UNC5B: variants seen among roughly 807,000 people sequenced by gnomAD.
UNC5B encodes the protein unc-5 netrin receptor B.
In UNC5B, 56 loss-of-function variants were observed where a neutral mutation model predicts 103.7. The ratio of observed to expected loss-of-function variants is 0.54; its 90% confidence interval spans 0.44 to 0.67. The LOEUF (loss-of-function observed/expected upper bound fraction) is 0.67, where lower values mean the gene tolerates loss of function less well. UNC5B is among the 30% of genes least tolerant of loss of function. The probability of loss-of-function intolerance (pLI) is 0.00; values close to 1 mark genes in which losing one functional copy is unlikely to be tolerated. For missense variants in UNC5B, 1,194 were observed against 1,284.5 expected, an observed-to-expected ratio of 0.93 and a Z score of 1.08; for synonymous variants, 577 against 542.0, an observed-to-expected ratio of 1.06 and a Z score of -0.90.
At chr10:71,254,026 A>AG (rs1844235021) in intron 1 of UNC5B, among the ~76,000 whole-genome samples, 4 of 152,180 alleles carry the variant, frequency 2.6e-5, no homozygotes, top group Admixed American at 2.0e-4. Flanking sequence ...AACTCAGCAC[A>AG]GGGGGAAACG....
intron 1 of UNC5B, among the ~76,000 whole-genome samples, chr10:71,245,891 C>T (rs1256481776): frequency 6.6e-6 from 1 of 152,208 alleles, no homozygotes; most frequent in Admixed American, 6.5e-5. Context: ...CTGTTGGTCT[C>T]AGGGCAGTCC....
At chr10:71,245,947 C>T (rs1355237181) in intron 1 of UNC5B, among the ~76,000 whole-genome samples, 2 of 152,348 alleles carry the variant, frequency 1.3e-5, no homozygotes, top group East Asian at 3.9e-4. Context: ...CGCCAGCACC[C>T]TCCTCATTTC....
chr10:71,285,325 G>C lies in UNC5B; in HGVS notation c.449-1G>C. 1 of 1,608,634 alleles carries C rather than the reference G, an allele frequency of 6.2e-7. No individual in the cohort carries two copies. On this transcript the variant is annotated splice_acceptor_variant, in intron 3 of 16. Coordinates refer to ENST00000335350, the MANE Select transcript of UNC5B (RefSeq NM_170744.5). LOFTEE classifies it high-confidence loss of function. ...CCTTGGGACCCTCTCGCTTCTCCCAGACCTGCGCAAGAACTTCGATCAGGA... is the reference window on the plus strand; with the variant it reads ...CCTTGGGACCCTCTCGCTTCTCCCACACCTGCGCAAGAACTTCGATCAGGA...
intron 12 of UNC5B, 26 bp from the exon 13 acceptor site, chr10:71,293,674 T>C (rs1288819998): frequency 2.5e-6 from 4 of 1,598,726 alleles, no homozygotes; most frequent in Non-Finnish European, 3.4e-6. Flanking sequence ...CTGTGACCAC[T>C]ACCCCACCCT....
chr10:71,289,521 G>A (rs556617518), intron 8 of UNC5B, among the ~76,000 whole-genome samples: 9 of 152,298 alleles, frequency 5.9e-5, no homozygotes, highest in Admixed American at 2.0e-4. Context: ...CAGAGGCTGC[G>A]CCACCACTGC....
At chr10:71,289,707 A>G (rs10823719) in intron 8 of UNC5B, among the ~76,000 whole-genome samples, 117,781 of 152,152 alleles carry the variant, frequency 0.77, 46,648 homozygotes, top group Middle Eastern at 0.86. Flanking sequence ...GTGTCAGTGA[A>G]GGCATTAGGA....
intron 10 of UNC5B, among the ~76,000 whole-genome samples, chr10:71,292,058 C>T (rs1040104197): frequency 1.3e-5 from 2 of 152,238 alleles, no homozygotes; most frequent in African/African-American, 4.8e-5. Flanking sequence ...ATCTTCTAAG[C>T]TTCAGTGTCT....
At chr10:71,265,444 C>T (rs10999754) in intron 1 of UNC5B, among the ~76,000 whole-genome samples, 6,180 of 152,272 alleles carry the variant, frequency 0.041, 207 homozygotes, top group African/African-American at 0.088. Flanking sequence ...GGCTCCCTGT[C>T]TTCCCTGAGC....
intron 1 of UNC5B, among the ~76,000 whole-genome samples, chr10:71,223,509 A>G (rs12255490): frequency 0.035 from 5,305 of 152,132 alleles, 292 homozygotes; most frequent in African/African-American, 0.12. Flanking sequence ...CCAGAGCCAA[A>G]TCTTCAGTGA....
rs753131538 is a variant in UNC5B, at chr10:71,287,689, C to G, written c.825C>G (p.Asn275Lys). The G allele has an allele frequency of 1.9e-6, 3 of 1,613,302 alleles. No homozygotes were observed. Among genetic ancestry groups the G allele is most frequent in the Non-Finnish European group, 1.7e-6 (2 of 1,179,586 alleles). ...GWQKRTRTCT[N>K]PAPLNGGAFC... ...AGAAGCGCACCCGGACCTGCACCAA[C>G]CCCGCTCCACTCAACGGAGGGGCCT... is the stretch of plus-strand genomic sequence containing the variant. The change falls in exon 6 of 17, where the codon AAC becomes AAG. Residue 275 changes from asparagine to lysine, a missense_variant. Asn to Lys is a moderately conservative substitution (Grantham distance 94, BLOSUM62 0). Transcript: ENST00000335350.
In UNC5B at chr10:71,302,184, A is replaced by G. The variant is rs1282724727; in HGVS notation, c.*2907A>G. The G allele has an allele frequency of 6.6e-6, 1 of 152,252 alleles. No homozygotes were observed. The highest frequency in any genetic ancestry group is 2.4e-5 in the African/African-American group (1 of 41,452). The allele number at this position is 152,252 out of a possible 1,614,324, so 9.4% of individuals were successfully genotyped here. A position where few individuals can be genotyped will look rare whatever the true frequency, so the allele number is the denominator to read the frequency against. ...GACCCAAGAGGTAGCCCCCGAGGGC[A>G]TGTACCTGGTGGGAAGCAGCTCAGG... is the stretch of plus-strand genomic sequence containing the variant. On this transcript the variant is annotated 3_prime_UTR_variant, in exon 17 of 17. Coordinates refer to ENST00000335350, the MANE Select transcript of UNC5B (RefSeq NM_170744.5).
At chr10:71,224,678 G>C (rs922606369) in intron 1 of UNC5B, among the ~76,000 whole-genome samples, 2 of 152,040 alleles carry the variant, frequency 1.3e-5, no homozygotes, top group African/African-American at 4.8e-5. Context: ...CTATAAACTG[G>C]GCCCCCAATT....
chr10:71,281,626 C>T (rs1844931003), intron 2 of UNC5B, among the ~76,000 whole-genome samples: 1 of 152,236 alleles, frequency 6.6e-6, no homozygotes, highest in Non-Finnish European at 1.5e-5. Flanking sequence ...AGGCGTGAGC[C>T]ACCACACCCA....
intron 9 of UNC5B, 119 bp downstream of exon 9, chr10:71,291,228 C>T: frequency 7.4e-7 from 1 of 1,357,342 alleles, no homozygotes; most frequent in Non-Finnish European, 1.0e-6. Context: ...AGAGTTTGCT[C>T]TAGAGATAAC....
Position 71,294,402 on chromosome 10 carries a change from GC to G in UNC5B, c.2175+473del, listed in dbSNP as rs1463297368. Among the ~76,000 whole-genome samples, 2 of 152,220 alleles carry G rather than the reference GC, an allele frequency of 1.3e-5. 1 individual carries two copies. Among genetic ancestry groups the G allele is most frequent in the East Asian group, 3.9e-4 (2 of 5,194 alleles). On this transcript the variant is annotated intron_variant, in intron 13 of 16. Transcript: ENST00000335350. Reference sequence around the variant, plus strand: ...GGCTCAGCTTCCCAGAAGCCTCAGGGCCCCTTGCCAAGGAATTTGGAATCCA... The same window carrying G: ...GGCTCAGCTTCCCAGAAGCCTCAGGGCCCTTGCCAAGGAATTTGGAATCCA...
rs940116093 is a variant in UNC5B, at chr10:71,295,955, T to C, written c.2320T>C (p.Tyr774His). 6.2e-7 allele frequency: 1 copy of C among 1,612,854 alleles called. No homozygotes were observed. Among genetic ancestry groups the C allele is most frequent in the Admixed American group, 1.7e-5 (1 of 60,034 alleles). ...TTGGAGGAGCAAGCTGCTGGCCAAA[T>C]ACCAGGTGAGGGCTGGGCTGATGGA... is the stretch of plus-strand genomic sequence containing the variant. ...AHWRSKLLAK[Y>H]QEIPFYHIWS... The change falls in exon 14 of 17, where the codon TAC becomes CAC. Residue 774 changes from tyrosine (Y) to histidine (H), a missense_variant. Transcript: ENST00000335350.
intron 1 of UNC5B, among the ~76,000 whole-genome samples, chr10:71,270,517 A>C (rs1439225049): frequency 6.6e-6 from 1 of 152,060 alleles, no homozygotes; most frequent in Non-Finnish European, 1.5e-5. Context: ...TTATGAGATC[A>C]CTCTGGTGTT....
intron 1 of UNC5B, among the ~76,000 whole-genome samples, chr10:71,248,493 A>T (rs1433274654): frequency 6.6e-6 from 1 of 152,184 alleles, no homozygotes; most frequent in East Asian, 1.9e-4. Context: ...TTTTTCTCCT[A>T]TTCCTGACAG....
At chr10:71,288,222 G>C (rs1392117788) in intron 6 of UNC5B, among the ~76,000 whole-genome samples, 1 of 152,192 alleles carries the variant, frequency 6.6e-6, no homozygotes, top group Non-Finnish European at 1.5e-5. Context: ...CATGTGCTGT[G>C]TTCTCTCCCT....
Sources: allele counts gnomAD v4.1 joint callset (sites outside exome capture counted in the v4.1 genomes callset), GRCh38; gene constraint gnomAD v4.1.1; transcripts MANE v1.5; gene names NCBI Gene and HGNC (gene_info 2026-07-23, HGNC 2026-07-21).